NHSL1: variants seen among roughly 807,000 people sequenced by gnomAD.
The protein encoded by NHSL1 is NHS like 1, also known as NHS-like protein 1.
Under a neutral mutation model 95.0 loss-of-function variants are expected in NHSL1, and 48 were observed. The ratio of observed to expected loss-of-function variants is 0.51; its 90% CI spans 0.40 to 0.64. The LOEUF (loss-of-function observed/expected upper bound fraction) is 0.64, where lower values mean the gene tolerates loss of function less well. NHSL1 is among the 30% of genes least tolerant of loss of function. The probability of loss-of-function intolerance (pLI) is 0.00; values close to 1 mark genes in which losing one functional copy is unlikely to be tolerated. For synonymous variants in NHSL1, 783 were observed against 833.9 expected (o/e 0.94, Z 1.05); for missense variants, 1,971 against 2,077.7 (o/e 0.95, Z 1.00).
intron 5 of NHSL1, among the ~76,000 whole-genome samples, chr6:138,434,328 C>G (rs1327713297): frequency 6.6e-6 from 1 of 151,616 alleles, no homozygotes; most frequent in East Asian, 1.9e-4. Flanking sequence ...GGGAAACTGG[C>G]AGGAACTGAT....
At chr6:138,571,299 CTA>C (rs1349681032) in intron 1 of NHSL1, among the ~76,000 whole-genome samples, 3 of 152,162 alleles carry the variant, frequency 2.0e-5, no homozygotes, top group Admixed American at 6.5e-5. Context: ...TGCAAGAAGA[CTA>C]TGTACGATTC....
Position 138,561,212 on chromosome 6 carries a change from A to C in NHSL1, c.202+10498T>G, listed in dbSNP as rs181621829. Reference sequence around the variant, plus strand: ...CCTACAATACTACAAGTGTACAATTAGCGATGCAAGCAGCATATTCAGAAA... The same window carrying C: ...CCTACAATACTACAAGTGTACAATTCGCGATGCAAGCAGCATATTCAGAAA... On this transcript the variant is annotated intron_variant, in intron 1 of 6. Transcript: ENST00000427025. 1.9e-3 allele frequency among the ~76,000 whole-genome samples: 290 copies of C among 152,350 alleles called. 1 individual carries two copies. Among genetic ancestry groups the C allele is most frequent in the African/African-American group, 6.7e-3 (279 of 41,580 alleles).
intron 3 of NHSL1, among the ~76,000 whole-genome samples, chr6:138,456,473 C>A (rs1777618847): frequency 6.6e-6 from 1 of 152,154 alleles, no homozygotes; most frequent in Non-Finnish European, 1.5e-5. Flanking sequence ...TAACAGGAAA[C>A]AGGGAAATTT....
At chr6:138,637,027 A>G (rs1430268185) in intron 1 of NHSL1, among the ~76,000 whole-genome samples, 2 of 152,134 alleles carry the variant, frequency 1.3e-5, no homozygotes, top group East Asian at 1.9e-4. Context: ...CAGAGTAATC[A>G]AAACAGCACA....
chr6:138,548,148 AT>A (rs970960507), upstream of NHSL1, among the ~76,000 whole-genome samples: 11 of 151,238 alleles, frequency 7.3e-5, no homozygotes, highest in African/African-American at 2.4e-4. Flanking sequence ...TGCCCGGCTA[AT>A]TTTTTTTTGT....
At chr6:138,473,535 T>C in intron 2 of NHSL1, 102 bp from the exon 3 acceptor site, 3 of 1,247,798 alleles carry the variant, frequency 2.4e-6, no homozygotes, top group South Asian at 3.1e-5. Context: ...TAAAGTTATA[T>C]TTTTCTAGGC....
chr6:138,523,243 G>C (rs1459751919), intron 1 of NHSL1, among the ~76,000 whole-genome samples: 1 of 152,170 alleles, frequency 6.6e-6, no homozygotes. Flanking sequence ...GCAGGGGAAT[G>C]GTGGGGACAG....
At position 138,499,158 on chromosome 6, in the gene NHSL1, C is replaced by G. The variant is rs1387084379; in HGVS notation, c.58+75G>C. The G allele has an allele frequency of 6.1e-6, 3 of 487,856 alleles. No individual in the cohort carries two copies. In the East Asian group the frequency reaches 2.0e-4, roughly 33 times the overall value. The allele number at this position is 487,856 out of a possible 1,614,324, so 30.2% of individuals were successfully genotyped here. A position where few individuals can be genotyped will look rare whatever the true frequency, so the allele number is the denominator to read the frequency against. Reference sequence around the variant, plus strand: ...GGACACACACACACACACACACACACAGACACACAGGGACATATACACATA... The same window carrying G: ...GGACACACACACACACACACACACAGAGACACACAGGGACATATACACATA... On this transcript the variant is annotated intron_variant, in intron 1 of 7. Coordinates refer to ENST00000343505, the MANE Select transcript of NHSL1 (RefSeq NM_001144060.2).
chr6:138,675,735 T>C (rs560871200), intron 1 of NHSL1, among the ~76,000 whole-genome samples: 15 of 152,072 alleles, frequency 9.9e-5, no homozygotes, highest in African/African-American at 3.4e-4. Flanking sequence ...GGTTTCACCA[T>C]GTTGGCCAGG....
intron 1 of NHSL1, among the ~76,000 whole-genome samples, chr6:138,636,216 A>T (rs952142180): frequency 2.0e-5 from 3 of 152,080 alleles, no homozygotes; most frequent in Non-Finnish European, 2.9e-5. Context: ...AAAATTCAAC[A>T]TCCCTTCATG....
intron 1 of NHSL1, among the ~76,000 whole-genome samples, chr6:138,662,889 T>A (rs1401586428): frequency 1.3e-5 from 2 of 151,988 alleles, no homozygotes; most frequent in Non-Finnish European, 2.9e-5. Flanking sequence ...GGAATTGATG[T>A]ATATTGGTAA....
chr6:138,449,164 C>T (rs2128222310), intron 3 of NHSL1, among the ~76,000 whole-genome samples: 1 of 152,068 alleles, frequency 6.6e-6, no homozygotes, highest in Non-Finnish European at 1.5e-5. Context: ...ACTACTAGGG[C>T]TCTATAAATC....
chr6:138,577,472 G>A (rs576899747), upstream of NHSL1, among the ~76,000 whole-genome samples: 23 of 152,332 alleles, frequency 1.5e-4, no homozygotes, highest in African/African-American at 4.6e-4. Context: ...GATTGCAAGC[G>A]CCGCTGGGGT....
At chr6:138,654,168 A>T (rs1418131410) in intron 1 of NHSL1, among the ~76,000 whole-genome samples, 2 of 152,240 alleles carry the variant, frequency 1.3e-5, no homozygotes, top group African/African-American at 4.8e-5. Context: ...ATCTAAGAGT[A>T]AATTAGTCAT....
intron 1 of NHSL1, among the ~76,000 whole-genome samples, chr6:138,647,543 A>AAAC (rs891399862): frequency 2.2e-4 from 34 of 152,136 alleles, no homozygotes; most frequent in African/African-American, 8.2e-4. Flanking sequence ...TGTCAATTGA[A>AAAC]AACAATTTTG....
chr6:138,689,482 G>A (rs1785631007), intron 1 of NHSL1, among the ~76,000 whole-genome samples: 2 of 152,220 alleles, frequency 1.3e-5, no homozygotes, highest in Admixed American at 1.3e-4. Context: ...GGATCATTGA[G>A]GCCAGCAGGG....
chr6:138,494,208 G>C (rs1780224310), intron 2 of NHSL1, among the ~76,000 whole-genome samples: 1 of 152,162 alleles, frequency 6.6e-6, no homozygotes, highest in South Asian at 2.1e-4. Flanking sequence ...GCAATTTTTA[G>C]TTTGTCTCCT....
chr6:138,643,988 T>A (rs1784987643), intron 1 of NHSL1, among the ~76,000 whole-genome samples: 2 of 149,436 alleles, frequency 1.3e-5, no homozygotes, highest in Admixed American at 1.3e-4. Context: ...CAGAGCAAGA[T>A]TCCATCTAAG....
intron 1 of NHSL1, among the ~76,000 whole-genome samples, chr6:138,641,689 CAA>C (rs1784961710): frequency 6.6e-6 from 1 of 151,400 alleles, no homozygotes; most frequent in African/African-American, 2.4e-5. Flanking sequence ...ATGCCCTATC[CAA>C]AGCCATCACT....
Sources: allele counts gnomAD v4.1 joint callset (sites outside exome capture counted in the v4.1 genomes callset), GRCh38; gene constraint gnomAD v4.1.1; transcripts MANE v1.5; gene names NCBI Gene and HGNC (gene_info 2026-07-23, HGNC 2026-07-21).